Variants in CHCT1 observed in about 807,000 individuals in gnomAD.
The protein encoded by CHCT1 is CHD1 helical C-terminal domain containing protein 1.
the CHCT1 span, chr17:60,421,303 G>A: frequency 1.3e-5 from 12 of 909,756 alleles, no homozygotes; most frequent in South Asian, 4.6e-4. Flanking sequence ...CTGGCATAGA[G>A]GACAAGTTAA....
the CHCT1 span, chr17:60,429,498 C>A: frequency 6.2e-7 from 1 of 1,614,258 alleles, no homozygotes; most frequent in East Asian, 2.2e-5. Flanking sequence ...AACATGCAGA[C>A]CCCAGGTCAA....
chr17:60,426,110 C>A, the CHCT1 span: 1 of 1,527,936 alleles, frequency 6.5e-7, no homozygotes, highest in Non-Finnish European at 8.9e-7. Context: ...GACTGCCCAT[C>A]TGCCTCTTCT....
chr17:60,429,269 C>A, the CHCT1 span: 40 of 1,365,296 alleles, frequency 2.9e-5, no homozygotes, highest in Non-Finnish European at 3.9e-5. Flanking sequence ...GGCAGGCAGA[C>A]CTTAGCATTT....
the CHCT1 span, chr17:60,426,901 C>T: frequency 1.3e-6 from 2 of 1,534,644 alleles, no homozygotes; most frequent in South Asian, 2.4e-5. Context: ...GGGATTGACA[C>T]ACCCAGAGCC....
chr17:60,431,238 C>A, the CHCT1 span: 1 of 1,604,434 alleles, frequency 6.2e-7, no homozygotes, highest in Admixed American at 1.7e-5. Context: ...ATAAAGGAAG[C>A]CCCAGAAACT....
the CHCT1 span, chr17:60,426,153 C>T: frequency 1.9e-6 from 3 of 1,551,258 alleles, no homozygotes; most frequent in Non-Finnish European, 2.6e-6. Flanking sequence ...CACCTGTTGC[C>T]TCCTCAGTGT....
chr17:60,430,740 C>T, the CHCT1 span, among the ~76,000 whole-genome samples: 2 of 152,220 alleles, frequency 1.3e-5, no homozygotes, highest in Admixed American at 6.5e-5. Context: ...CTCAGCTTCC[C>T]GAAGTGCTGG....
the CHCT1 span, chr17:60,425,897 C>A: frequency 1.3e-6 from 2 of 1,539,756 alleles, 1 homozygote. Context: ...GAGTAAAGAG[C>A]CAGCCTGGAA....
the CHCT1 span, among the ~76,000 whole-genome samples, chr17:60,425,387 T>C: frequency 1.3e-5 from 2 of 152,170 alleles, no homozygotes; most frequent in Admixed American, 1.3e-4. Flanking sequence ...CTCACTATAT[T>C]GCCCAGACTG....
the CHCT1 span, chr17:60,426,059 C>CCA: frequency 2.0e-4 from 275 of 1,349,690 alleles, 1 homozygote; most frequent in East Asian, 6.9e-3. Flanking sequence ...CAGCACTGGG[C>CCA]CACTCAGGGC....
chr17:60,425,663 CAAG>C, the CHCT1 span: 31 of 680,036 alleles, frequency 4.6e-5, no homozygotes, highest in African/African-American at 5.6e-4. Context: ...CATGCTGGGT[CAAG>C]AAGGTCTGAG....
the CHCT1 span, chr17:60,431,228 A>T: frequency 2.4e-5 from 39 of 1,605,582 alleles, no homozygotes; most frequent in Non-Finnish European, 2.8e-5. Context: ...GAGGAAGAGG[A>T]TAAAGGAAGC....
the CHCT1 span, among the ~76,000 whole-genome samples, chr17:60,424,834 C>G: frequency 1.8e-3 from 281 of 152,114 alleles, 4 homozygotes; most frequent in Non-Finnish European, 4.0e-4. Context: ...GATCACACCA[C>G]TGCACTCCAG....
At chr17:60,429,756 T>C in the CHCT1 span, among the ~76,000 whole-genome samples, 3 of 151,990 alleles carry the variant, frequency 2.0e-5, no homozygotes, top group African/African-American at 4.8e-5. Flanking sequence ...TTCTCTTCTC[T>C]TTTTAGTCCC....
chr17:60,422,568 G>A, the CHCT1 span: 3 of 1,550,016 alleles, frequency 1.9e-6, no homozygotes. Context: ...GTGCCACCCT[G>A]GAGCCTACCG....
At chr17:60,422,463 G>A in the CHCT1 span, 468 of 1,521,994 alleles carry the variant, frequency 3.1e-4, 3 homozygotes, top group African/African-American at 5.8e-3. Context: ...GGCGGTTGCC[G>A]TGGCTTTGCT....
the CHCT1 span, chr17:60,426,848 G>A: frequency 6.4e-7 from 1 of 1,564,904 alleles, no homozygotes; most frequent in Non-Finnish European, 8.6e-7. Context: ...CCCGAGCACA[G>A]CTGAGGGTTG....
chr17:60,421,958 C>T, the CHCT1 span: 21 of 985,248 alleles, frequency 2.1e-5, no homozygotes, highest in African/African-American at 3.7e-4. Context: ...TTACAGAGCC[C>T]GTAGGCACTG....
chr17:60,427,484 C>G, the CHCT1 span, among the ~76,000 whole-genome samples: 1 of 152,044 alleles, frequency 6.6e-6, no homozygotes, highest in East Asian at 1.9e-4. Context: ...GTGGCGCGAT[C>G]TTGGCTCACT....
Sources: allele counts gnomAD v4.1 joint callset (sites outside exome capture counted in the v4.1 genomes callset), GRCh38; gene constraint gnomAD v4.1.1; transcripts MANE v1.5; gene names NCBI Gene and HGNC (gene_info 2026-07-23, HGNC 2026-07-21).